Variants in STX8 observed in about 807,000 individuals in gnomAD.
STX8 encodes syntaxin-8.
Under a neutral mutation model 37.5 loss-of-function variants are expected in STX8, and 23 were observed. The observed-to-expected ratio is 0.61, with a 90% CI of 0.44 to 0.87. The LOEUF (loss-of-function observed/expected upper bound fraction) is 0.87. Ranked by LOEUF, STX8 falls within the 40% of genes least tolerant of loss-of-function variation. The pLI, the probability that STX8 is intolerant of heterozygous loss-of-function variation, is 0.00. For synonymous variants in STX8, 115 were observed against 99.1 expected, an observed-to-expected ratio of 1.16 and a Z score of -0.95; for missense variants, 313 against 284.7, an observed-to-expected ratio of 1.10 and a Z score of -0.71.
intron 2 of STX8, among the ~76,000 whole-genome samples, chr17:9,560,641 G>T (rs1907194730): frequency 6.6e-6 from 1 of 151,996 alleles, no homozygotes; most frequent in African/African-American, 2.4e-5. Context: ...TTGTGAAAAT[G>T]TAAGTTTTCC....
chr17:9,562,074 A>C (rs1392390420), intron 2 of STX8, among the ~76,000 whole-genome samples: 2 of 150,322 alleles, frequency 1.3e-5, no homozygotes, highest in Non-Finnish European at 2.9e-5. Context: ...AAATATATGG[A>C]AGCAATTAGA....
chr17:9,317,332 C>T (rs1909415181), intron 7 of STX8, among the ~76,000 whole-genome samples: 1 of 152,138 alleles, frequency 6.6e-6, no homozygotes, highest in African/African-American at 2.4e-5. Context: ...CCAAGCACAC[C>T]CTTGAGATGT....
intron 7 of STX8, among the ~76,000 whole-genome samples, chr17:9,310,094 T>G (rs73266002): frequency 0.12 from 18,106 of 152,018 alleles, 3,437 homozygotes; most frequent in African/African-American, 0.4. Context: ...CTTAAATGAA[T>G]GTAACCATGA....
At chr17:9,511,854 A>G (rs568453183) in intron 4 of STX8, among the ~76,000 whole-genome samples, 1 of 152,322 alleles carries the variant, frequency 6.6e-6, no homozygotes, top group Non-Finnish European at 1.5e-5. Context: ...GACTACCAAA[A>G]AAAAACCTCT....
intron 6 of STX8, among the ~76,000 whole-genome samples, chr17:9,442,285 CCA>C (rs1904692034): frequency 6.6e-6 from 1 of 152,228 alleles, no homozygotes; most frequent in Non-Finnish European, 1.5e-5. Context: ...CCTAACCACT[CCA>C]GTCTAGGCCA....
rs1907544657 is a variant in STX8, at chr17:9,568,437, G to C, written c.51C>G (p.Ala17=). ...FSTYDSTCQI[A]QEIAEKIQQR... ...GTTGAATTTTCTCAGCAATTTCTTG[G>C]GCAATTTGACAAGTAGAATCGTATG... is the stretch of plus-strand genomic sequence containing the variant. The change falls in exon 2 of 8, where the codon GCC becomes GCG. Residue 17 remains alanine, a synonymous_variant. Transcript: ENST00000306357. 6.2e-7 allele frequency: 1 copy of C among 1,612,630 alleles called. No homozygotes were observed. Among genetic ancestry groups the C allele is most frequent in the Non-Finnish European group, 8.5e-7 (1 of 1,179,844 alleles).
intron 7 of STX8, among the ~76,000 whole-genome samples, chr17:9,366,303 C>A (rs1444597177): frequency 1.3e-5 from 2 of 152,204 alleles, no homozygotes; most frequent in African/African-American, 4.8e-5. Context: ...ATGATCTAGG[C>A]TCACTGCAAC....
intron 6 of STX8, among the ~76,000 whole-genome samples, chr17:9,458,186 G>GTC (rs1236697097): frequency 6.6e-6 from 1 of 152,186 alleles, no homozygotes; most frequent in African/African-American, 2.4e-5. Context: ...GTCTCGCTCT[G>GTC]TCGTCCAGGC....
At chr17:9,378,407 A>G in intron 7 of STX8, 145 bp downstream of exon 7, 1 of 656,998 alleles carries the variant, frequency 1.5e-6, no homozygotes, top group Non-Finnish European at 2.7e-6. Context: ...ACCATTGTTT[A>G]GCAATTTCAG....
chr17:9,253,207 G>GTGT (rs1555582915), intron 7 of STX8, among the ~76,000 whole-genome samples: 11 of 140,940 alleles, frequency 7.8e-5, no homozygotes, highest in African/African-American at 2.9e-4. Flanking sequence ...CAGGGGTAGG[G>GTGT]GTGTGTGTGT....
At chr17:9,428,455 T>C (rs1283938634) in intron 6 of STX8, among the ~76,000 whole-genome samples, 2 of 152,192 alleles carry the variant, frequency 1.3e-5, no homozygotes, top group Non-Finnish European at 2.9e-5. Flanking sequence ...TTAGCCAGGA[T>C]GGTCTTGATC....
intron 6 of STX8, among the ~76,000 whole-genome samples, chr17:9,446,785 T>G (rs2142395436): frequency 6.6e-6 from 1 of 152,260 alleles, no homozygotes; most frequent in African/African-American, 2.4e-5. Flanking sequence ...TTTTTTTCCG[T>G]TTTCCCACTG....
chr17:9,297,355 C>A (rs886694118), intron 7 of STX8, among the ~76,000 whole-genome samples: 1 of 152,144 alleles, frequency 6.6e-6, no homozygotes, highest in Non-Finnish European at 1.5e-5. Context: ...CACTGTCACC[C>A]TTCCTGCCAC....
At chr17:9,461,548 A>G (rs1905388664) in intron 6 of STX8, among the ~76,000 whole-genome samples, 4 of 152,120 alleles carry the variant, frequency 2.6e-5, no homozygotes, top group Admixed American at 2.6e-4. Context: ...AGGCTAAACT[A>G]TTCAGGCTCA....
At chr17:9,392,855 G>A (rs1415022852) in intron 6 of STX8, among the ~76,000 whole-genome samples, 3 of 152,166 alleles carry the variant, frequency 2.0e-5, no homozygotes, top group Admixed American at 1.3e-4. Context: ...AAGGACCTAT[G>A]GGATAATGGG....
chr17:9,528,797 T>A (rs1386785546), intron 4 of STX8, among the ~76,000 whole-genome samples: 1 of 151,754 alleles, frequency 6.6e-6, no homozygotes, highest in African/African-American at 2.4e-5. Flanking sequence ...GCATCCCTCT[T>A]CGTTAAAAAA....
intron 4 of STX8, among the ~76,000 whole-genome samples, chr17:9,530,143 T>TA (rs974872910): frequency 3.6e-4 from 55 of 151,838 alleles, no homozygotes; most frequent in African/African-American, 7.5e-4. Flanking sequence ...CCGTTTCTAC[T>TA]AAAAAAATAC....
intron 6 of STX8, among the ~76,000 whole-genome samples, chr17:9,443,988 C>T (rs539141101): frequency 1.3e-5 from 2 of 152,130 alleles, no homozygotes; most frequent in Non-Finnish European, 2.9e-5. Context: ...TGTGACACGA[C>T]GAATGATTTC....
At chr17:9,453,228 G>C (rs1905096335) in intron 6 of STX8, among the ~76,000 whole-genome samples, 1 of 152,134 alleles carries the variant, frequency 6.6e-6, no homozygotes, top group South Asian at 2.1e-4. Context: ...TCATAGGGTA[G>C]GTTCATCCAA....
Sources: allele counts gnomAD v4.1 joint callset (sites outside exome capture counted in the v4.1 genomes callset), GRCh38; gene constraint gnomAD v4.1.1; transcripts MANE v1.5; gene names NCBI Gene and HGNC (gene_info 2026-07-23, HGNC 2026-07-21).